Variants in IMMP2L observed in about 807,000 individuals in gnomAD.
IMMP2L encodes mitochondrial inner membrane protease subunit 2.
A neutral mutation model predicts 19.3 loss-of-function variants in IMMP2L; 18 were observed. The ratio of observed to expected loss-of-function variants is 0.93; its 90% CI spans 0.64 to 1.38. The LOEUF (loss-of-function observed/expected upper bound fraction) is 1.38, where lower values mean the gene tolerates loss of function less well. IMMP2L is among the 40% of genes most tolerant of loss of function. The probability of loss-of-function intolerance (pLI) is 0.00; values close to 1 mark genes in which losing one functional copy is unlikely to be tolerated. For missense variants in IMMP2L, 233 were observed against 218.2 expected (o/e 1.07, Z -0.43); for synonymous variants, 76 against 73.0 (o/e 1.04, Z -0.21).
intron 5 of IMMP2L, among the ~76,000 whole-genome samples, chr7:110,819,185 G>C (rs1802811254): frequency 6.6e-6 from 1 of 151,588 alleles, no homozygotes. Flanking sequence ...AACTTCCTTT[G>C]GAACTTCCTT....
At chr7:111,131,589 C>T (rs1230172746) in intron 3 of IMMP2L, among the ~76,000 whole-genome samples, 2 of 151,776 alleles carry the variant, frequency 1.3e-5, no homozygotes, top group Admixed American at 6.6e-5. Flanking sequence ...GAACATTTGC[C>T]ATCTTACAAT....
chr7:111,281,190 G>GAAAGAA (rs1819755850), intron 3 of IMMP2L, among the ~76,000 whole-genome samples: 1 of 59,580 alleles, frequency 1.7e-5, no homozygotes, highest in Non-Finnish European at 3.4e-5. Context: ...AAGAAAGAAA[G>GAAAGAA]AAAGAAAGAA....
At chr7:111,164,382 A>C (rs1009814940) in intron 3 of IMMP2L, among the ~76,000 whole-genome samples, 2 of 150,242 alleles carry the variant, frequency 1.3e-5, no homozygotes, top group African/African-American at 5.0e-5. Flanking sequence ...CACTAAGTGG[A>C]TGGGACCCAT....
chr7:110,752,072 A>G (rs1797757713), intron 5 of IMMP2L, among the ~76,000 whole-genome samples: 1 of 152,032 alleles, frequency 6.6e-6, no homozygotes, highest in Non-Finnish European at 1.5e-5. Flanking sequence ...TGATACTTAC[A>G]TGTTTGTCCA....
intron 3 of IMMP2L, among the ~76,000 whole-genome samples, chr7:111,006,367 T>C (rs1398627472): frequency 1.3e-5 from 2 of 152,140 alleles, no homozygotes; most frequent in Non-Finnish European, 2.9e-5. Flanking sequence ...GGCCTCTGTA[T>C]TTTATAATGC....
intron 3 of IMMP2L, among the ~76,000 whole-genome samples, chr7:111,088,367 A>C (rs1373890733): frequency 6.6e-6 from 1 of 152,212 alleles, no homozygotes; most frequent in Non-Finnish European, 1.5e-5. Flanking sequence ...CCTACAATGT[A>C]GGTAACATGT....
intron 3 of IMMP2L, among the ~76,000 whole-genome samples, chr7:111,364,390 T>C (rs900696701): frequency 1.3e-5 from 2 of 152,102 alleles, no homozygotes; most frequent in Non-Finnish European, 2.9e-5. Context: ...TATACATACG[T>C]ATATAGAGCA....
chr7:111,110,523 G>A (rs1021671302), intron 3 of IMMP2L, among the ~76,000 whole-genome samples: 3 of 152,010 alleles, frequency 2.0e-5, no homozygotes, highest in South Asian at 2.1e-4. Flanking sequence ...AGTTTTATTC[G>A]TTTTTCAGTT....
chr7:111,313,182 G>A (rs530138633), intron 3 of IMMP2L, among the ~76,000 whole-genome samples: 88 of 152,196 alleles, frequency 5.8e-4, no homozygotes, highest in African/African-American at 2.0e-3. Flanking sequence ...GGAACTCACA[G>A]CCACCAGAGG....
chr7:111,231,024 C>CTGTGTG (rs60629485), intron 3 of IMMP2L, among the ~76,000 whole-genome samples: 4,052 of 147,042 alleles, frequency 0.028, 118 homozygotes, highest in East Asian at 0.12. Context: ...TAAGTAGTGG[C>CTGTGTG]TGTGTGTGTG....
intron 3 of IMMP2L, among the ~76,000 whole-genome samples, chr7:111,211,628 T>C (rs1365347728): frequency 6.6e-6 from 1 of 152,160 alleles, no homozygotes; most frequent in East Asian, 1.9e-4. Context: ...GGGGATTATT[T>C]GAACACAAAT....
intron 3 of IMMP2L, among the ~76,000 whole-genome samples, chr7:111,053,703 T>C (rs1292212597): frequency 1.3e-5 from 2 of 152,266 alleles, no homozygotes; most frequent in Non-Finnish European, 1.5e-5. Flanking sequence ...CAAGAGGACA[T>C]ACATTATAGT....
chr7:111,050,823 C>T (rs765063387), intron 3 of IMMP2L, among the ~76,000 whole-genome samples: 22 of 152,292 alleles, frequency 1.4e-4, no homozygotes, highest in Admixed American at 5.2e-4. Flanking sequence ...GGTATCCATG[C>T]GCCTTGGAAA....
intron 4 of IMMP2L, among the ~76,000 whole-genome samples, chr7:110,916,157 A>C (rs1813594898): frequency 6.6e-6 from 1 of 152,224 alleles, no homozygotes; most frequent in African/African-American, 2.4e-5. Flanking sequence ...GCTTCGTTGT[A>C]TGATTTAGTC....
chr7:110,912,741 C>T (rs259002), intron 4 of IMMP2L, among the ~76,000 whole-genome samples: 82,478 of 151,648 alleles, frequency 0.54, 24,132 homozygotes, highest in East Asian at 0.8. Context: ...CCAGTGGCTT[C>T]GTGAAAAGTA....
intron 3 of IMMP2L, among the ~76,000 whole-genome samples, chr7:111,459,605 A>G (rs1839967287): frequency 6.6e-6 from 1 of 152,176 alleles, no homozygotes. Flanking sequence ...AAATACAAGC[A>G]AAAGTGGTAT....
At chr7:110,732,263 AT>A (rs1280627836) in intron 5 of IMMP2L, among the ~76,000 whole-genome samples, 1 of 152,224 alleles carries the variant, frequency 6.6e-6, no homozygotes, top group Non-Finnish European at 1.5e-5. Context: ...CTGAATGAAA[AT>A]ATTTCCCTAT....
chr7:111,301,564 T>A (rs572504704), intron 3 of IMMP2L, among the ~76,000 whole-genome samples: 37 of 152,146 alleles, frequency 2.4e-4, no homozygotes, highest in Admixed American at 4.6e-4. Context: ...AACCTATTTT[T>A]TTCTAAAAGT....
intron 3 of IMMP2L, among the ~76,000 whole-genome samples, chr7:111,315,161 T>C (rs1823918980): frequency 6.6e-6 from 1 of 152,160 alleles, no homozygotes; most frequent in South Asian, 2.1e-4. Context: ...CAGTCCATCT[T>C]ATACAACCAA....
Sources: allele counts gnomAD v4.1 joint callset (sites outside exome capture counted in the v4.1 genomes callset), GRCh38; gene constraint gnomAD v4.1.1; transcripts MANE v1.5; gene names NCBI Gene and HGNC (gene_info 2026-07-23, HGNC 2026-07-21).